Variants in GPC6 observed in about 807,000 individuals in gnomAD.
GPC6 encodes the protein glypican 6.
GPC6 carries 14 observed loss-of-function variants against 55.2 expected under a neutral mutation model. The ratio of observed to expected loss-of-function variants is 0.25; its 90% CI spans 0.17 to 0.40. The LOEUF (loss-of-function observed/expected upper bound fraction) is 0.40, where lower values mean the gene tolerates loss of function less well. Among genes scored for constraint, GPC6 ranks in the 10% least tolerant of loss-of-function variants. The pLI, the probability that GPC6 is intolerant of heterozygous loss-of-function variation, is 1.00. For synonymous variants in GPC6, 278 were observed against 259.6 expected (o/e 1.07, Z -0.68); for missense variants, 641 against 708.5 (o/e 0.90, Z 1.08).
At chr13:93,961,522 T>C (rs1481464173) in intron 3 of GPC6, among the ~76,000 whole-genome samples, 1 of 152,234 alleles carries the variant, frequency 6.6e-6, no homozygotes, top group East Asian at 1.9e-4. Flanking sequence ...GAAAAAAGAT[T>C]CATTATTTAT....
intron 4 of GPC6, among the ~76,000 whole-genome samples, chr13:94,068,185 G>A (rs1884602701): frequency 6.6e-6 from 1 of 152,156 alleles, no homozygotes; most frequent in Admixed American, 6.5e-5. Flanking sequence ...CATGGTGGAA[G>A]GCAAGGAGGA....
At chr13:93,796,269 T>A (rs1162196268) in intron 2 of GPC6, among the ~76,000 whole-genome samples, 2 of 152,190 alleles carry the variant, frequency 1.3e-5, no homozygotes, top group Non-Finnish European at 2.9e-5. Context: ...GTAATTGGAT[T>A]TTTTCATTTA....
intron 4 of GPC6, among the ~76,000 whole-genome samples, chr13:94,171,725 T>C (rs1391183635): frequency 6.6e-6 from 1 of 152,206 alleles, no homozygotes; most frequent in African/African-American, 2.4e-5. Flanking sequence ...TAGTTTATCA[T>C]CTCAGATTTC....
At position 93,653,973 on chromosome 13, in the gene GPC6, C is replaced by T. The variant is rs559089550; in HGVS notation, c.319+108552C>T. ...ATCTGTTTTACTCTGTCACTCATTC[C>T]AATGTTTTATCACTTTCACAGCCAG... On this transcript the variant is annotated intron_variant, in intron 2 of 8. Transcript: ENST00000377047. Among the ~76,000 whole-genome samples the T allele has an allele frequency of 3.9e-5, 6 of 152,244 alleles. No homozygotes were observed. The South Asian group carries it at 1.2e-3, about 32-fold the overall frequency.
intron 4 of GPC6, among the ~76,000 whole-genome samples, chr13:94,213,485 T>G (rs1280469395): frequency 6.6e-6 from 1 of 152,220 alleles, no homozygotes. Flanking sequence ...TCATAATTTT[T>G]GGGATCAGCT....
intron 4 of GPC6, among the ~76,000 whole-genome samples, chr13:94,220,691 C>T (rs543462042): frequency 6.6e-6 from 1 of 152,074 alleles, no homozygotes; most frequent in Non-Finnish European, 1.5e-5. Context: ...CTAGGCCTCT[C>T]TTCTAGTGAT....
intron 1 of GPC6, among the ~76,000 whole-genome samples, chr13:93,473,548 C>A (rs555494705): frequency 1.8e-4 from 27 of 152,268 alleles, no homozygotes; most frequent in African/African-American, 5.8e-4. Flanking sequence ...ATGCCTGGGA[C>A]CTGCACATGG....
chr13:93,548,706 T>A (rs1172536501), intron 2 of GPC6, among the ~76,000 whole-genome samples: 1 of 152,114 alleles, frequency 6.6e-6, no homozygotes, highest in Non-Finnish European at 1.5e-5. Flanking sequence ...TCAGTACGAG[T>A]TATTACCCAA....
At chr13:94,171,591 T>C (rs17196057) in intron 4 of GPC6, among the ~76,000 whole-genome samples, 12,653 of 152,198 alleles carry the variant, frequency 0.083, 596 homozygotes, top group Middle Eastern at 0.22. Context: ...AATGGAAAAT[T>C]CCAAAGTATA....
chr13:93,502,767 T>C (rs1003631315), intron 1 of GPC6, among the ~76,000 whole-genome samples: 9 of 152,128 alleles, frequency 5.9e-5, no homozygotes, highest in African/African-American at 2.2e-4. Context: ...ATTTGTAATA[T>C]TTGCCAATTT....
intron 4 of GPC6, among the ~76,000 whole-genome samples, chr13:94,160,977 C>T (rs1191651443): frequency 6.6e-6 from 1 of 152,024 alleles, no homozygotes; most frequent in East Asian, 1.9e-4. Context: ...CATTATCTGC[C>T]AGAAAGAATT....
intron 1 of GPC6, among the ~76,000 whole-genome samples, chr13:93,374,016 A>G (rs888102039): frequency 5.9e-5 from 9 of 152,172 alleles, no homozygotes; most frequent in African/African-American, 2.2e-4. Flanking sequence ...TTTATAATCT[A>G]GGGATCTCAT....
At chr13:93,649,503 T>A (rs974483677) in intron 2 of GPC6, among the ~76,000 whole-genome samples, 3 of 152,144 alleles carry the variant, frequency 2.0e-5, no homozygotes, top group Non-Finnish European at 4.4e-5. Context: ...ACACAACGCA[T>A]GGTATATTTT....
intron 1 of GPC6, among the ~76,000 whole-genome samples, chr13:93,309,927 C>G (rs545782741): frequency 6.6e-6 from 1 of 152,266 alleles, no homozygotes; most frequent in African/African-American, 2.4e-5. Context: ...TAAAAAGTGA[C>G]CTGCTTTGGA....
At chr13:93,450,763 A>C in intron 1 of GPC6, 1 of 896,160 alleles carries the variant, frequency 1.1e-6, no homozygotes, top group Non-Finnish European at 1.3e-6. Flanking sequence ...ATGAACCTTT[A>C]GGAAATAGTT....
intron 3 of GPC6, among the ~76,000 whole-genome samples, chr13:93,908,226 C>T (rs1018938290): frequency 1.2e-4 from 18 of 152,156 alleles, no homozygotes; most frequent in African/African-American, 4.1e-4. Flanking sequence ...AACAGTTCAA[C>T]CAATAACTCA....
intron 5 of GPC6, among the ~76,000 whole-genome samples, chr13:94,301,570 G>A (rs191035334): frequency 6.6e-6 from 1 of 152,240 alleles, no homozygotes; most frequent in East Asian, 1.9e-4. Context: ...TAGACACATG[G>A]TTCTGTTTTT....
chr13:93,407,596 A>C (rs1215340764), intron 1 of GPC6, among the ~76,000 whole-genome samples: 1 of 152,168 alleles, frequency 6.6e-6, no homozygotes, highest in Non-Finnish European at 1.5e-5. Context: ...TTGTTTGAAT[A>C]TGGTAATTGA....
intron 3 of GPC6, among the ~76,000 whole-genome samples, chr13:93,995,254 C>T (rs1013243413): frequency 6.6e-6 from 1 of 151,870 alleles, no homozygotes; most frequent in African/African-American, 2.4e-5. Flanking sequence ...GTGGCACAAC[C>T]TCAGCTCAGT....
Sources: gnomAD v4.1 joint callset for allele counts (sites outside exome capture counted in the v4.1 genomes callset) on GRCh38, gnomAD v4.1.1 for gene constraint, MANE v1.5 for transcripts, NCBI Gene and HGNC (gene_info 2026-07-23, HGNC 2026-07-21) for gene names.